The following SLC44A5 variants were observed in gnomAD, a reference collection of about 807,000 sequenced individuals.
SLC44A5 encodes the protein choline transporter-like protein 5.
A neutral mutation model predicts 101.8 loss-of-function variants in SLC44A5; 57 were observed. The observed-to-expected ratio is 0.56, with a 90% confidence interval of 0.45 to 0.70. The LOEUF is 0.70. SLC44A5 is among the 30% of genes least tolerant of loss of function. SLC44A5 has a pLI of 0.00. For missense variants in SLC44A5, 737 were observed against 853.1 expected (o/e 0.86, Z 1.70); for synonymous variants, 281 against 290.9 (o/e 0.97, Z 0.35).
At chr1:75,537,218 C>A (rs1453554915) in intron 2 of SLC44A5, among the ~76,000 whole-genome samples, 2 of 151,696 alleles carry the variant, frequency 1.3e-5, no homozygotes, top group African/African-American at 4.8e-5. Flanking sequence ...TTGAACAATT[C>A]AAATTGGTAC....
chr1:75,692,520 A>G, the SLC44A5 span, among the ~76,000 whole-genome samples: 1 of 152,172 alleles, frequency 6.6e-6, no homozygotes, highest in African/African-American at 2.4e-5. Context: ...ATGCAGAAGT[A>G]GAAGGGTTGA....
At chr1:75,664,271 G>A in the SLC44A5 span, among the ~76,000 whole-genome samples, 11 of 152,144 alleles carry the variant, frequency 7.2e-5, no homozygotes, top group East Asian at 9.7e-4. Context: ...ATGCCCACTC[G>A]CATTACACCT....
chr1:75,519,430 T>C (rs922485027), intron 2 of SLC44A5, among the ~76,000 whole-genome samples: 3 of 152,096 alleles, frequency 2.0e-5, no homozygotes, highest in Non-Finnish European at 4.4e-5. Flanking sequence ...TGGCGGCACA[T>C]GCCTGTAATC....
intron 3 of SLC44A5, among the ~76,000 whole-genome samples, chr1:75,377,164 A>G (rs1160542607): frequency 6.7e-6 from 1 of 150,314 alleles, no homozygotes; most frequent in Non-Finnish European, 1.5e-5. Flanking sequence ...CCATTTTGTT[A>G]TGTACTAAGA....
chr1:75,336,422 G>A (rs1359178654), intron 4 of SLC44A5, among the ~76,000 whole-genome samples: 1 of 152,088 alleles, frequency 6.6e-6, no homozygotes, highest in Admixed American at 6.6e-5. Context: ...CCAAAGTTCT[G>A]GGATTACAGG....
chr1:75,716,039 G>A, the SLC44A5 span, among the ~76,000 whole-genome samples: 1 of 152,082 alleles, frequency 6.6e-6, no homozygotes, highest in Non-Finnish European at 1.5e-5. Context: ...AGAGACACGT[G>A]GCCAACAAGC....
chr1:75,544,220 C>G (rs905255802), intron 1 of SLC44A5, among the ~76,000 whole-genome samples: 2 of 152,058 alleles, frequency 1.3e-5, no homozygotes, highest in African/African-American at 4.8e-5. Flanking sequence ...TTACTTTCTC[C>G]CCCTCTCTTT....
intron 2 of SLC44A5, among the ~76,000 whole-genome samples, chr1:75,500,568 T>G (rs1341966348): frequency 6.6e-6 from 1 of 152,200 alleles, no homozygotes; most frequent in Non-Finnish European, 1.5e-5. Flanking sequence ...ATATACAAGA[T>G]ATTTTTTAAC....
intron 2 of SLC44A5, among the ~76,000 whole-genome samples, chr1:75,529,800 TA>T: frequency 6.6e-6 from 1 of 152,226 alleles, no homozygotes; most frequent in East Asian, 1.9e-4. Context: ...GTCTCTGAAA[TA>T]AAAAACTACT....
At chr1:75,721,873 G>T in the SLC44A5 span, among the ~76,000 whole-genome samples, 1 of 152,188 alleles carries the variant, frequency 6.6e-6, no homozygotes, top group Non-Finnish European at 1.5e-5. Flanking sequence ...TCATTCATAG[G>T]ATCCTGGTTC....
At chr1:75,565,772 A>G (rs554192770) in intron 1 of SLC44A5, among the ~76,000 whole-genome samples, 1 of 152,312 alleles carries the variant, frequency 6.6e-6, no homozygotes, top group South Asian at 2.1e-4. Flanking sequence ...AGGAGCCATT[A>G]TGAGAATTAA....
At chr1:75,567,926 T>C (rs1481825656) in intron 1 of SLC44A5, among the ~76,000 whole-genome samples, 2 of 152,170 alleles carry the variant, frequency 1.3e-5, no homozygotes, top group African/African-American at 2.4e-5. Flanking sequence ...AAATAGTAGC[T>C]CGTAACTTCT....
chr1:75,707,540 C>T, the SLC44A5 span, among the ~76,000 whole-genome samples: 1 of 152,162 alleles, frequency 6.6e-6, no homozygotes, highest in Non-Finnish European at 1.5e-5. Context: ...AGCTATTCTC[C>T]CCCAGGGCTC....
At chr1:75,531,292 A>G (rs1262817047) in intron 2 of SLC44A5, among the ~76,000 whole-genome samples, 1 of 152,222 alleles carries the variant, frequency 6.6e-6, no homozygotes, top group African/African-American at 2.4e-5. Flanking sequence ...TTTAATTTGT[A>G]TACATTTATC....
At chr1:75,205,039 A>G (rs1401630031) in intron 23 of SLC44A5, 1 of 152,210 alleles carries the variant, frequency 6.6e-6, no homozygotes, top group Non-Finnish European at 1.5e-5. Context: ...GGAGAATAAG[A>G]ATGCAGAAGG....
chr1:75,311,173 T>C (rs1000776190), intron 4 of SLC44A5, among the ~76,000 whole-genome samples: 1 of 151,878 alleles, frequency 6.6e-6, no homozygotes, highest in Non-Finnish European at 1.5e-5. Context: ...TTGGAGTGCA[T>C]TGGCACGATC....
At chr1:75,318,732 C>G (rs1369486872) in intron 4 of SLC44A5, among the ~76,000 whole-genome samples, 1 of 152,158 alleles carries the variant, frequency 6.6e-6, no homozygotes, top group Non-Finnish European at 1.5e-5. Flanking sequence ...CTTGAATAAT[C>G]TACTCTAAGC....
chr1:75,641,951 A>T, the SLC44A5 span: 1 of 1,604,036 alleles, frequency 6.2e-7, no homozygotes, highest in East Asian at 2.2e-5. Flanking sequence ...ACATATTCCA[A>T]CCACAATCTG....
the SLC44A5 span, among the ~76,000 whole-genome samples, chr1:75,691,741 G>T: frequency 6.6e-6 from 1 of 152,116 alleles, no homozygotes; most frequent in African/African-American, 2.4e-5. Flanking sequence ...GCCTGATGAG[G>T]GCCCTTTTCC....
Sources: allele counts gnomAD v4.1 joint callset (sites outside exome capture counted in the v4.1 genomes callset), GRCh38; gene constraint gnomAD v4.1.1; transcripts MANE v1.5; gene names NCBI Gene and HGNC (gene_info 2026-07-23, HGNC 2026-07-21).